KCNK13: variants seen among roughly 807,000 people sequenced by gnomAD.
The protein encoded by KCNK13 is potassium channel subfamily K member 13.
In KCNK13, 12 loss-of-function variants were observed where a neutral mutation model predicts 23.4. The observed-to-expected ratio is 0.51, with a 90% confidence interval of 0.33 to 0.83. The LOEUF (loss-of-function observed/expected upper bound fraction) is 0.83. KCNK13 is among the 40% of genes least tolerant of loss of function. The probability of loss-of-function intolerance (pLI) is 0.02; values close to 1 mark genes in which losing one functional copy is unlikely to be tolerated. For missense variants in KCNK13, 463 were observed against 556.3 expected (o/e 0.83, Z 1.69); for synonymous variants, 231 against 229.5 (o/e 1.01, Z -0.06).
At chr14:90,107,630 A>T (rs1013851032) in intron 1 of KCNK13, 1 of 611,390 alleles carries the variant, frequency 1.6e-6, no homozygotes, top group Non-Finnish European at 3.0e-6. Flanking sequence ...CTCATGCAAT[A>T]CCTACAACTG....
chr14:90,122,080 G>A (rs1014710798), intron 1 of KCNK13, among the ~76,000 whole-genome samples: 3 of 151,852 alleles, frequency 2.0e-5, no homozygotes, highest in African/African-American at 4.8e-5. Context: ...TCATGTAAAC[G>A]TTTTCCACAA....
In KCNK13 at chr14:90,184,382, C is replaced by G. The variant is rs779143955; in HGVS notation, c.606C>G (p.Cys202Trp). The change falls in exon 2 of 2, where the codon TGC (cysteine) becomes TGG (tryptophan). Residue 202 changes from cysteine (C) to tryptophan (W), a missense_variant. By Grantham distance (215) the Cys-to-Trp change is radical (BLOSUM62 -2). Transcript: ENST00000282146. The surrounding 1 kb of genome is among the most constrained non-coding windows in gnomAD (Gnocchi z 5.6). Reference sequence around the variant, plus strand: ...TGTACTACGTCATGCTGATCCTATGCACAGCCTCCATCCTCATCTCTTGCT... The same window carrying G: ...TGTACTACGTCATGCTGATCCTATGGACAGCCTCCATCCTCATCTCTTGCT... ...PSVYYVMLIL[C>W]TASILISCCA... is the part of the protein sequence containing the mutation. 1.2e-6 allele frequency: 2 copies of G among 1,614,244 alleles called. No homozygotes were observed. Among genetic ancestry groups the G allele is most frequent in the Non-Finnish European group, 1.7e-6 (2 of 1,180,048 alleles).
intron 1 of KCNK13, among the ~76,000 whole-genome samples, chr14:90,084,441 T>C (rs534944766): frequency 1.3e-5 from 2 of 152,354 alleles, no homozygotes; most frequent in South Asian, 4.1e-4. Flanking sequence ...GAATTGTTTA[T>C]TGCAAGTGTG....
At chr14:90,072,766 C>T (rs1235923945) in intron 1 of KCNK13, among the ~76,000 whole-genome samples, 1 of 152,148 alleles carries the variant, frequency 6.6e-6, no homozygotes, top group Non-Finnish European at 1.5e-5. Context: ...ATTTCCTATA[C>T]ACTTTCTCAA....
chr14:90,074,459 C>T (rs1889113306), intron 1 of KCNK13, among the ~76,000 whole-genome samples: 1 of 152,204 alleles, frequency 6.6e-6, no homozygotes, highest in African/African-American at 2.4e-5. Flanking sequence ...TTCAGGTCCC[C>T]TCCATGGTTG....
rs186472672 is a variant in KCNK13, at chr14:90,170,179, T to C, written c.335-13932T>C. On this transcript the variant is annotated intron_variant, in intron 1 of 1. Coordinates refer to ENST00000282146, the MANE Select transcript of KCNK13 (RefSeq NM_022054.4). The stretch of plus-strand genomic sequence containing the variant: ...AGAGAAGATTTTACCCATATGATTG[T>C]CAATCAAAAAAAAAAATTACAAGCC... Among the ~76,000 whole-genome samples, 506 of 151,682 alleles carry C rather than the reference T, an allele frequency of 3.3e-3. 1 individual carries two copies. The highest frequency in any genetic ancestry group is 5.1e-3 in the Admixed American group (78 of 15,206).
chr14:90,068,905 C>G (rs1889039691), intron 1 of KCNK13, among the ~76,000 whole-genome samples: 1 of 152,116 alleles, frequency 6.6e-6, no homozygotes, highest in Non-Finnish European at 1.5e-5. Context: ...ACACACCATC[C>G]AGATGCAGGG....
intron 1 of KCNK13, among the ~76,000 whole-genome samples, chr14:90,156,297 G>A (rs767545541): frequency 1.3e-5 from 2 of 152,012 alleles, no homozygotes; most frequent in Admixed American, 6.6e-5. Context: ...CAGAGAGAGT[G>A]GAGAAGAGGC....
chr14:90,182,008 T>C (rs369898745), intron 1 of KCNK13, among the ~76,000 whole-genome samples: 11 of 152,290 alleles, frequency 7.2e-5, no homozygotes, highest in African/African-American at 2.6e-4. Flanking sequence ...TTTGAAGAGT[T>C]CCCAGAGAAG....
At chr14:90,096,908 C>T (rs1889417090) in intron 1 of KCNK13, among the ~76,000 whole-genome samples, 1 of 152,196 alleles carries the variant, frequency 6.6e-6, no homozygotes, top group Non-Finnish European at 1.5e-5. Context: ...CCTACTGTTT[C>T]TTAATCCCAA....
At chr14:90,116,193 A>G (rs1889675250) in intron 1 of KCNK13, among the ~76,000 whole-genome samples, 1 of 152,178 alleles carries the variant, frequency 6.6e-6, no homozygotes, top group Non-Finnish European at 1.5e-5. Flanking sequence ...AACCACACAG[A>G]TAGAAACATA....
intron 1 of KCNK13, among the ~76,000 whole-genome samples, chr14:90,130,302 C>G (rs1010791372): frequency 2.6e-5 from 4 of 151,714 alleles, no homozygotes; most frequent in Non-Finnish European, 5.9e-5. Context: ...CAGGCTCAAG[C>G]GATTCTCCTG....
rs563881595 is a variant in KCNK13 at position 90,141,723 on chromosome 14, G to A, written c.335-42388G>A. Among the ~76,000 whole-genome samples, 17 of 150,510 alleles carry A rather than the reference G, an allele frequency of 1.1e-4. No individual in the cohort carries two copies. In the South Asian group the frequency reaches 1.7e-3, roughly 15 times the overall value. On this transcript the variant is annotated intron_variant, in intron 1 of 1. Transcript: ENST00000282146. ...TCTGCTGGGCTCGGCCTCCCAAAGC[G>A]CTGGGATTACAGGTGTGAGCCACCA...
At chr14:90,077,650 C>CTTTCAGCAGATACTA (rs1272449020) in intron 1 of KCNK13, among the ~76,000 whole-genome samples, 1 of 152,230 alleles carries the variant, frequency 6.6e-6, no homozygotes, top group East Asian at 1.9e-4. Context: ...GCTGACAGTG[C>CTTTCAGCAGATACTA]TTTCAGCAGA....
chr14:90,065,061 C>T (rs796454035), intron 1 of KCNK13, among the ~76,000 whole-genome samples: 7 of 152,304 alleles, frequency 4.6e-5, no homozygotes, highest in African/African-American at 1.7e-4. Context: ...GTAATATCAT[C>T]CAAATTAACC....
intron 1 of KCNK13, among the ~76,000 whole-genome samples, chr14:90,093,395 G>T (rs1421113029): frequency 1.3e-5 from 2 of 152,208 alleles, no homozygotes; most frequent in Non-Finnish European, 2.9e-5. Flanking sequence ...GTTGGAGATG[G>T]AGTCAGTCCC....
At chr14:90,066,340 C>G (rs998836832) in intron 1 of KCNK13, among the ~76,000 whole-genome samples, 7 of 151,902 alleles carry the variant, frequency 4.6e-5, no homozygotes, top group African/African-American at 1.7e-4. Context: ...GCTTGGTTCA[C>G]TGCAACGTCC....
At chr14:90,122,852 C>T (rs1889755120) in intron 1 of KCNK13, among the ~76,000 whole-genome samples, 1 of 152,142 alleles carries the variant, frequency 6.6e-6, no homozygotes. Flanking sequence ...ACCTAATAAG[C>T]CTTCATATCC....
intron 1 of KCNK13, among the ~76,000 whole-genome samples, chr14:90,122,801 G>A (rs373693524): frequency 3.5e-4 from 53 of 152,278 alleles, no homozygotes; most frequent in African/African-American, 1.2e-3. Flanking sequence ...GAAAAGGTTT[G>A]CATGGTTTGC....
Sources: gnomAD v4.1 joint callset for allele counts (sites outside exome capture counted in the v4.1 genomes callset) on GRCh38, gnomAD v4.1.1 for gene constraint, Gnocchi (gnomAD v3.1) non-coding constraint, MANE v1.5 for transcripts, NCBI Gene and HGNC (gene_info 2026-07-23, HGNC 2026-07-21) for gene names.